The following DTHD1 variants were observed in gnomAD, a reference collection of about 807,000 sequenced individuals.
DTHD1 encodes the protein death domain containing 1, also known as death domain-containing protein 1.
DTHD1 carries 59 observed loss-of-function variants against 74.8 expected under a neutral mutation model. That is an observed-to-expected ratio of 0.79 (90% CI 0.64 to 0.98). The LOEUF (loss-of-function observed/expected upper bound fraction) is 0.98, where lower values mean the gene tolerates loss of function less well. DTHD1 is among the 50% of genes least tolerant of loss of function. The pLI is 0.00. For missense variants in DTHD1, 1,051 were observed against 1,065.4 expected (o/e 0.99, Z 0.19); for synonymous variants, 365 against 371.1 (o/e 0.98, Z 0.19).
intron 1 of DTHD1, 44 bp from the exon 2 acceptor site, chr4:36,283,932 T>G: frequency 7.4e-7 from 1 of 1,348,680 alleles, no homozygotes; most frequent in Non-Finnish European, 1.0e-6. Context: ...TAATTTGGTT[T>G]AGTTTTGTAT....
At chr4:36,323,324 G>T (rs904898928) in intron 8 of DTHD1, among the ~76,000 whole-genome samples, 1 of 152,128 alleles carries the variant, frequency 6.6e-6, no homozygotes, top group Non-Finnish European at 1.5e-5. Flanking sequence ...CGTCAGAATC[G>T]CCACTTTCAC....
intron 8 of DTHD1, among the ~76,000 whole-genome samples, chr4:36,336,827 A>T (rs1759034914): frequency 6.6e-6 from 1 of 152,250 alleles, no homozygotes; most frequent in Non-Finnish European, 1.5e-5. Flanking sequence ...AAGTTTTACA[A>T]TGCATTTTGA....
intron 6 of DTHD1, 132 bp from the exon 7 acceptor site, chr4:36,308,071 CT>C: frequency 1.1e-6 from 1 of 905,170 alleles, no homozygotes; most frequent in South Asian, 1.9e-5. Context: ...TGAATCTCAC[CT>C]GTTGTCTTTG....
intron 5 of DTHD1, among the ~76,000 whole-genome samples, chr4:36,301,424 T>C (rs1231831854): frequency 6.6e-6 from 1 of 151,934 alleles, no homozygotes; most frequent in African/African-American, 2.4e-5. Context: ...AACTCCAGAG[T>C]TGTCGACAGC....
At chr4:36,336,326 C>T (rs1462277639) in intron 8 of DTHD1, among the ~76,000 whole-genome samples, 2 of 149,748 alleles carry the variant, frequency 1.3e-5, no homozygotes, top group Non-Finnish European at 3.0e-5. Flanking sequence ...ACAAATAGAA[C>T]CTAAGAAAAT....
Position 36,284,108 on chromosome 4 carries a change from C to A in DTHD1, c.404C>A (p.Thr135Lys), listed in dbSNP as rs1335180792. The change falls in exon 2 of 10, where the codon ACA becomes AAA. Residue 135 changes from threonine to lysine, a missense_variant. Transcript: ENST00000639862. ...GMHDECTPQQ[T>K]MSSIQDTKAA... is the part of the protein sequence containing the mutation. ...CATGATGAATGTACTCCACAGCAGACAATGTCCTCCATTCAAGATACCAAA... is the reference window on the plus strand; with the variant it reads ...CATGATGAATGTACTCCACAGCAGAAAATGTCCTCCATTCAAGATACCAAA... 1.3e-6 allele frequency: 2 copies of A among 1,537,192 alleles called. No homozygotes were observed. Among genetic ancestry groups the A allele is most frequent in the East Asian group, 2.4e-5 (1 of 40,906 alleles).
chr4:36,306,422 T>A, intron 6 of DTHD1, 70 bp downstream of exon 6: 1 of 1,382,214 alleles, frequency 7.2e-7, no homozygotes, highest in Non-Finnish European at 9.6e-7. Flanking sequence ...TTTATAGAAA[T>A]GGAATAGTAA....
chr4:36,329,532 A>T (rs1022302736), intron 8 of DTHD1, among the ~76,000 whole-genome samples: 2 of 152,132 alleles, frequency 1.3e-5, no homozygotes, highest in Non-Finnish European at 2.9e-5. Context: ...TATCATTCAT[A>T]CCCCCTAAAA....
intron 5 of DTHD1, among the ~76,000 whole-genome samples, chr4:36,297,471 A>C (rs11729148): frequency 0.18 from 27,483 of 152,040 alleles, 3,004 homozygotes; most frequent in Non-Finnish European, 0.24. Context: ...ATTTTTGATC[A>C]GATATAAATA....
chr4:36,335,401 T>A (rs979769435), intron 8 of DTHD1, among the ~76,000 whole-genome samples: 4 of 151,956 alleles, frequency 2.6e-5, no homozygotes, highest in Admixed American at 1.3e-4. Flanking sequence ...TTTTTTGTAT[T>A]TTTTTTGTAG....
chr4:36,343,850 C>T lies in DTHD1; in HGVS notation c.*26C>T. The stretch of plus-strand genomic sequence containing the variant: ...AAGCCTGATCTCTCTTCCTTTACCC[C>T]TAGGAAAAGGCACACGGTGGGTTTT... On this transcript the variant is annotated 3_prime_UTR_variant, in exon 10 of 10. Transcript: ENST00000639862. The T allele has an allele frequency of 6.6e-7, 1 of 1,509,204 alleles. No homozygotes were observed. The highest frequency in any genetic ancestry group is 1.2e-5 in the South Asian group (1 of 80,158). 93.5% of individuals were successfully genotyped at this position (1,509,204 alleles called of 1,614,324 possible). A position where few individuals can be genotyped will look rare whatever the true frequency, so the allele number is the denominator to read the frequency against.
rs775590360 is a variant in DTHD1 at position 36,290,440 on chromosome 4, G to C, written c.955G>C (p.Val319Leu). 5.0e-5 allele frequency: 78 copies of C among 1,551,836 alleles called. No homozygotes were observed. Among genetic ancestry groups the C allele is most frequent in the Non-Finnish European group, 6.6e-5 (76 of 1,147,020 alleles). The change falls in exon 3 of 10, where the codon GTT becomes CTT. Residue 319 changes from valine to leucine, a missense_variant. By Grantham distance (32) the Val-to-Leu change is conservative. Transcript: ENST00000639862. ...VSCYITAPSY[V>L]LQQLECRIIN... ...TTGTTATATTACAGCACCATCATAT[G>C]TTCTACAACAACTAGAATGCCGGAT...
At chr4:36,327,198 C>A (rs575922322) in intron 8 of DTHD1, among the ~76,000 whole-genome samples, 1 of 152,108 alleles carries the variant, frequency 6.6e-6, no homozygotes, top group Non-Finnish European at 1.5e-5. Context: ...AACTCCTGAC[C>A]TCAGGTGATC....
At chr4:36,289,840 T>C (rs1430225130) in intron 2 of DTHD1, among the ~76,000 whole-genome samples, 1 of 152,078 alleles carries the variant, frequency 6.6e-6, no homozygotes, top group Non-Finnish European at 1.5e-5. Context: ...TGATTAATGA[T>C]AAATTTACAG....
chr4:36,335,179 G>A (rs28498624), intron 8 of DTHD1, among the ~76,000 whole-genome samples: 36,054 of 152,024 alleles, frequency 0.24, 4,577 homozygotes, highest in Non-Finnish European at 0.25. Flanking sequence ...TTGAAGGGGC[G>A]TATCATTTAA....
chr4:36,308,994 A>G (rs1317955175), intron 7 of DTHD1, among the ~76,000 whole-genome samples: 1 of 134,870 alleles, frequency 7.4e-6, no homozygotes, highest in Non-Finnish European at 1.6e-5. Context: ...TGGACTCCCA[A>G]AAATGTGTGA....
chr4:36,344,582 T>C lies in DTHD1; in HGVS notation c.*758T>C, dbSNP rs1200334767. ...TTATAATGCAGATGAAGCCTCCAGG[T>C]AGCAGACTTTAGAGGGAATAGATTG... On this transcript the variant is annotated 3_prime_UTR_variant, in exon 10 of 10. Transcript: ENST00000639862. 2.0e-5 allele frequency: 3 copies of C among 152,244 alleles called. No homozygotes were observed. Among genetic ancestry groups the C allele is most frequent in the Non-Finnish European group, 4.4e-5 (3 of 68,052 alleles). 9.4% of individuals were successfully genotyped at this position (152,244 alleles called of 1,614,324 possible). A position where few individuals can be genotyped will look rare whatever the true frequency, so the allele number is the denominator to read the frequency against.
rs979831227 is a variant in DTHD1, at chr4:36,293,647, G to A, written c.1340G>A (p.Arg447Gln). 23 of 1,548,084 alleles carry A rather than the reference G, an allele frequency of 1.5e-5. No individual in the cohort carries two copies. The highest frequency in any genetic ancestry group is 5.5e-5 in the African/African-American group (4 of 72,986). ...GLALKSSMDS[R>Q]ISLNYPPGVF... ...GCTCTTAAGTCAAGCATGGATTCCC[G>A]AATATCCTTAAATTACCCTCCAGGA... The change falls in exon 4 of 10, where the codon CGA (arginine) becomes CAA (glutamine). Residue 447 changes from arginine (R) to glutamine (Q), a missense_variant. Arg to Gln is a conservative substitution (Grantham distance 43). Transcript: ENST00000639862.
At chr4:36,339,281 C>T (rs1040484008) in intron 9 of DTHD1, 112 bp downstream of exon 9, 1 of 709,446 alleles carries the variant, frequency 1.4e-6, no homozygotes, top group Non-Finnish European at 2.2e-6. Context: ...TCCAATCAAA[C>T]AATCATTAAC....
Sources: allele counts gnomAD v4.1 joint callset (sites outside exome capture counted in the v4.1 genomes callset), GRCh38; gene constraint gnomAD v4.1.1; transcripts MANE v1.5; gene names NCBI Gene and HGNC (gene_info 2026-07-23, HGNC 2026-07-21).